CA10: variants seen among roughly 807,000 people sequenced by gnomAD.
CA10 encodes the protein carbonic anhydrase 10 (inactive).
A neutral mutation model predicts 44.2 loss-of-function variants in CA10; 14 were observed. The observed-to-expected ratio is 0.32, with a 90% CI of 0.21 to 0.50. The LOEUF (loss-of-function observed/expected upper bound fraction) is 0.50. Among genes scored for constraint, CA10 ranks in the 20% least tolerant of loss-of-function variants. The pLI is 0.99. For synonymous variants in CA10, 159 were observed against 141.6 expected (o/e 1.12, Z -0.87); for missense variants, 350 against 409.7 (o/e 0.85, Z 1.26).
At chr17:52,028,058 A>G (rs1014906133) in intron 2 of CA10, among the ~76,000 whole-genome samples, 4 of 152,186 alleles carry the variant, frequency 2.6e-5, no homozygotes, top group Admixed American at 2.6e-4. Flanking sequence ...CTGTAAATAC[A>G]AGCAGCAATA....
At chr17:51,889,253 G>A (rs1980748267) in intron 3 of CA10, among the ~76,000 whole-genome samples, 1 of 152,156 alleles carries the variant, frequency 6.6e-6, no homozygotes, top group East Asian at 1.9e-4. Flanking sequence ...CAGGTATGGT[G>A]GCTCATGCAT....
chr17:51,788,857 T>C (rs1906397786), intron 3 of CA10, among the ~76,000 whole-genome samples: 1 of 152,178 alleles, frequency 6.6e-6, no homozygotes, highest in Non-Finnish European at 1.5e-5. Context: ...TTTCCTCCCC[T>C]GAAAGATTGG....
intron 2 of CA10, among the ~76,000 whole-genome samples, chr17:52,040,513 C>T (rs1160139919): frequency 6.6e-6 from 1 of 151,956 alleles, no homozygotes; most frequent in African/African-American, 2.4e-5. Context: ...TACCCTCATG[C>T]CTTAAACAAT....
chr17:52,009,549 C>A (rs1017446738), intron 2 of CA10, among the ~76,000 whole-genome samples: 1 of 151,916 alleles, frequency 6.6e-6, no homozygotes, highest in Non-Finnish European at 1.5e-5. Flanking sequence ...AACCCCTCAA[C>A]GTTGGCTTTG....
intron 3 of CA10, among the ~76,000 whole-genome samples, chr17:51,831,681 G>GCAGCAT (rs1451111517): frequency 1.4e-5 from 1 of 70,270 alleles, no homozygotes; most frequent in African/African-American, 4.4e-5. Context: ...AGCAGCAGCA[G>GCAGCAT]CAGCAGCAGC....
chr17:51,654,229 T>C (rs1913693807), intron 4 of CA10, among the ~76,000 whole-genome samples: 1 of 152,244 alleles, frequency 6.6e-6, no homozygotes, highest in Non-Finnish European at 1.5e-5. Context: ...CAGTAGTAGC[T>C]GATGGATCAG....
intron 2 of CA10, among the ~76,000 whole-genome samples, chr17:51,966,266 T>G: frequency 6.6e-6 from 1 of 151,972 alleles, no homozygotes; most frequent in Non-Finnish European, 1.5e-5. Flanking sequence ...TCAATATTTT[T>G]AAAATGGCCA....
At chr17:52,098,182 T>C (rs1598213360) in intron 1 of CA10, among the ~76,000 whole-genome samples, 2 of 152,320 alleles carry the variant, frequency 1.3e-5, no homozygotes, top group East Asian at 3.9e-4. Context: ...TCCCAATCAC[T>C]CTCTGTCACA....
chr17:51,920,923 T>C (rs947287753), intron 3 of CA10, among the ~76,000 whole-genome samples: 1 of 152,334 alleles, frequency 6.6e-6, no homozygotes, highest in East Asian at 1.9e-4. Flanking sequence ...AATCCTCTTT[T>C]ATAACATTCA....
intron 3 of CA10, chr17:51,748,513 G>A: frequency 1.0e-6 from 1 of 983,586 alleles, no homozygotes; most frequent in Non-Finnish European, 1.2e-6. Flanking sequence ...TTCTTGCTGG[G>A]ACTTGATGTT....
chr17:51,653,766 C>A (rs759219984), intron 4 of CA10, 30 bp from the exon 5 acceptor site: 1 of 1,309,078 alleles, frequency 7.6e-7, no homozygotes, highest in Middle Eastern at 1.8e-4. Flanking sequence ...AGAATCAGAA[C>A]AATAATCCAA....
chr17:51,894,374 C>A (rs1006568521), intron 3 of CA10, among the ~76,000 whole-genome samples: 1 of 151,982 alleles, frequency 6.6e-6, no homozygotes, highest in African/African-American at 2.4e-5. Context: ...CCAGAGTGGG[C>A]ACTAGCATTA....
chr17:52,159,431 C>T (rs1397062662), upstream of CA10: 1 of 152,222 alleles, frequency 6.6e-6, no homozygotes, highest in African/African-American at 2.4e-5. Context: ...CAGGAGGATC[C>T]GGGACTATTG....
rs562467443 is a variant in CA10, at chr17:51,829,534, C to T, written c.280-81716G>A. ...ACTTAGGAAAAGGAGTCATGAGGGA[C>T]GTATGCAATTGACAATCAGTACAGC... On this transcript the variant is annotated intron_variant, in intron 3 of 8. Transcript: ENST00000451037. Among the ~76,000 whole-genome samples, 16 of 152,240 alleles carry T rather than the reference C, an allele frequency of 1.1e-4. No homozygotes were observed. In the South Asian group the frequency reaches 2.9e-3, roughly 28 times the overall value.
intron 2 of CA10, among the ~76,000 whole-genome samples, chr17:51,993,336 A>C (rs1264718347): frequency 6.6e-6 from 1 of 152,178 alleles, no homozygotes; most frequent in Non-Finnish European, 1.5e-5. Flanking sequence ...CTGGATTAAC[A>C]TCTACTGTTG....
chr17:51,632,921 T>C (rs1912648194), intron 8 of CA10, among the ~76,000 whole-genome samples: 1 of 152,184 alleles, frequency 6.6e-6, no homozygotes, highest in African/African-American at 2.4e-5. Flanking sequence ...GACATAGCAC[T>C]GGGCAAAGAT....
chr17:52,062,855 G>C (rs1987427682), intron 2 of CA10, among the ~76,000 whole-genome samples: 2 of 152,240 alleles, frequency 1.3e-5, no homozygotes, highest in African/African-American at 4.8e-5. Context: ...GCAGTGCCCA[G>C]GGGAGCTGTG....
At chr17:52,125,681 G>GT (rs944683619) in intron 1 of CA10, among the ~76,000 whole-genome samples, 1 of 151,944 alleles carries the variant, frequency 6.6e-6, no homozygotes, top group Non-Finnish European at 1.5e-5. Context: ...TATCCTTATA[G>GT]TTTTTTTTCT....
chr17:51,659,626 A>C (rs1913926699), intron 4 of CA10, among the ~76,000 whole-genome samples: 1 of 152,238 alleles, frequency 6.6e-6, no homozygotes, highest in Non-Finnish European at 1.5e-5. Context: ...TGTTAAAGTT[A>C]GTCATCATCA....
Sources: allele counts gnomAD v4.1 joint callset (sites outside exome capture counted in the v4.1 genomes callset), GRCh38; gene constraint gnomAD v4.1.1; transcripts MANE v1.5; gene names NCBI Gene and HGNC (gene_info 2026-07-23, HGNC 2026-07-21).